The following SNTG2 variants were observed in gnomAD, a reference collection of about 807,000 sequenced individuals.
SNTG2 encodes syntrophin gamma 2.
SNTG2 carries 74 observed loss-of-function variants against 70.9 expected under a neutral mutation model. The ratio of observed to expected loss-of-function variants is 1.04; its 90% confidence interval spans 0.86 to 1.27. The LOEUF is 1.27. SNTG2 is among the 50% of genes most tolerant of loss of function. SNTG2 has a pLI of 0.00. For synonymous variants in SNTG2, 278 were observed against 273.8 expected, an observed-to-expected ratio of 1.02 and a Z score of -0.15; for missense variants, 717 against 690.7, an observed-to-expected ratio of 1.04 and a Z score of -0.43.
At chr2:1,215,982 C>T (rs192874642) in intron 9 of SNTG2, among the ~76,000 whole-genome samples, 1 of 152,276 alleles carries the variant, frequency 6.6e-6, no homozygotes, top group Non-Finnish European at 1.5e-5. Flanking sequence ...GGTTCCAAGT[C>T]TTTGCTATTG....
At chr2:1,251,651 C>G (rs1321243521) in intron 12 of SNTG2, among the ~76,000 whole-genome samples, 1 of 148,304 alleles carries the variant, frequency 6.7e-6, no homozygotes, top group African/African-American at 2.5e-5. Context: ...AAACCCCACA[C>G]ACACCACACA....
At chr2:1,236,594 C>T (rs1295833896) in intron 9 of SNTG2, among the ~76,000 whole-genome samples, 2 of 152,236 alleles carry the variant, frequency 1.3e-5, no homozygotes, top group African/African-American at 2.4e-5. Context: ...ATAAACCTCA[C>T]ATTCTGATTC....
At chr2:1,037,988 C>G (rs1661225880) in intron 1 of SNTG2, among the ~76,000 whole-genome samples, 1 of 152,154 alleles carries the variant, frequency 6.6e-6, no homozygotes, top group African/African-American at 2.4e-5. Flanking sequence ...CATGGTCACT[C>G]TGCTTCTCAT....
chr2:1,261,543 A>C (rs1294262259), intron 13 of SNTG2, among the ~76,000 whole-genome samples: 2 of 152,198 alleles, frequency 1.3e-5, no homozygotes, highest in Non-Finnish European at 2.9e-5. Flanking sequence ...CCTTGATTGC[A>C]GTCGTGAGAG....
chr2:1,253,022 C>T (rs1052772080), intron 12 of SNTG2, among the ~76,000 whole-genome samples: 1 of 152,158 alleles, frequency 6.6e-6, no homozygotes, highest in Non-Finnish European at 1.5e-5. Context: ...AAGGTTTTAA[C>T]ATCAGTATCT....
chr2:1,091,397 AGAG>A (rs1405035405), intron 2 of SNTG2, among the ~76,000 whole-genome samples: 6 of 152,328 alleles, frequency 3.9e-5, no homozygotes, highest in Admixed American at 2.0e-4. Flanking sequence ...AAGCTAATTC[AGAG>A]GAGAAGAGCA....
At chr2:1,048,448 ATATC>A (rs779027834) in intron 1 of SNTG2, among the ~76,000 whole-genome samples, 3 of 151,970 alleles carry the variant, frequency 2.0e-5, no homozygotes, top group Admixed American at 6.6e-5. Flanking sequence ...AGATAGATAG[ATATC>A]TATATATATA....
At chr2:1,128,537 C>T (rs113038386) in intron 4 of SNTG2, among the ~76,000 whole-genome samples, 107 of 152,152 alleles carry the variant, frequency 7.0e-4, no homozygotes, top group African/African-American at 2.5e-3. Flanking sequence ...TAAGTGATGC[C>T]TCCATCAACA....
intron 2 of SNTG2, among the ~76,000 whole-genome samples, chr2:1,091,591 C>T (rs560874335): frequency 6.6e-6 from 1 of 152,188 alleles, no homozygotes; most frequent in Non-Finnish European, 1.5e-5. Flanking sequence ...CGGGGCCGCT[C>T]CCCCATGAAG....
At chr2:1,188,980 A>G (rs917298109) in intron 8 of SNTG2, among the ~76,000 whole-genome samples, 3 of 152,178 alleles carry the variant, frequency 2.0e-5, no homozygotes, top group Non-Finnish European at 4.4e-5. Flanking sequence ...TCTGATAAGC[A>G]CACTATGACA....
intron 9 of SNTG2, among the ~76,000 whole-genome samples, chr2:1,222,450 C>T (rs139484576): frequency 9.2e-5 from 14 of 152,266 alleles, no homozygotes; most frequent in African/African-American, 2.4e-4. Flanking sequence ...ACAGGAGGGG[C>T]TTCTTAAGCT....
chr2:1,189,040 A>C (rs1672417873), intron 8 of SNTG2, among the ~76,000 whole-genome samples: 1 of 152,176 alleles, frequency 6.6e-6, no homozygotes, highest in East Asian at 1.9e-4. Flanking sequence ...TGGGACTGTT[A>C]TTTCTAGATG....
At chr2:981,988 T>G (rs1193896511) in intron 1 of SNTG2, among the ~76,000 whole-genome samples, 2 of 152,040 alleles carry the variant, frequency 1.3e-5, no homozygotes, top group Admixed American at 1.3e-4. Context: ...TCACATGCAC[T>G]TGTGCACACA....
chr2:1,110,373 C>T (rs1666362337), intron 4 of SNTG2, among the ~76,000 whole-genome samples: 1 of 152,232 alleles, frequency 6.6e-6, no homozygotes, highest in Non-Finnish European at 1.5e-5. Context: ...GTGCCATGCA[C>T]ATGCCTTCAT....
intron 6 of SNTG2, among the ~76,000 whole-genome samples, chr2:1,150,843 G>A (rs1164222058): frequency 1.3e-5 from 2 of 152,158 alleles, no homozygotes; most frequent in South Asian, 2.1e-4. Flanking sequence ...GGAGGCAGCT[G>A]GGGTCGGCTC....
chr2:1,203,716 GTGTGTA>G (rs1278721933), intron 8 of SNTG2, among the ~76,000 whole-genome samples: 3 of 149,912 alleles, frequency 2.0e-5, no homozygotes, highest in African/African-American at 4.9e-5. Context: ...GTGTGTGTAT[GTGTGTA>G]TATGTATATG....
At chr2:1,131,391 C>A (rs1668002730) in intron 4 of SNTG2, among the ~76,000 whole-genome samples, 5 of 152,126 alleles carry the variant, frequency 3.3e-5, no homozygotes, top group Admixed American at 3.3e-4. Flanking sequence ...CACACCCTGG[C>A]CTGCGGTGTG....
chr2:1,047,129 G>T (rs1018508808), intron 1 of SNTG2, among the ~76,000 whole-genome samples: 3 of 152,074 alleles, frequency 2.0e-5, no homozygotes, highest in African/African-American at 7.2e-5. Flanking sequence ...TCCTCAGCTT[G>T]GTGTATTCTG....
At chr2:1,235,049 C>T (rs1676518511) in intron 9 of SNTG2, among the ~76,000 whole-genome samples, 1 of 152,242 alleles carries the variant, frequency 6.6e-6, no homozygotes, top group African/African-American at 2.4e-5. Flanking sequence ...CCATGCGTGT[C>T]CTTCACACGC....
Sources: allele counts gnomAD v4.1 joint callset (sites outside exome capture counted in the v4.1 genomes callset), GRCh38; gene constraint gnomAD v4.1.1; transcripts MANE v1.5; gene names NCBI Gene and HGNC (gene_info 2026-07-23, HGNC 2026-07-21).